TASOR2: variants seen among roughly 807,000 people sequenced by gnomAD.
The protein encoded by TASOR2 is protein TASOR 2.
A neutral mutation model predicts 199.5 loss-of-function variants in TASOR2; 84 were observed. That is an observed-to-expected ratio of 0.42 (90% CI 0.35 to 0.50). The LOEUF is 0.50. Among genes scored for constraint, TASOR2 ranks in the 20% least tolerant of loss-of-function variants. TASOR2 has a pLI of 0.02. For missense variants in TASOR2, 2,796 were observed against 2,835.9 expected (o/e 0.99, Z 0.32); for synonymous variants, 1,103 against 1,046.6 (o/e 1.05, Z -1.04).
intron 1 of TASOR2, among the ~76,000 whole-genome samples, chr10:5,711,765 A>G (rs2131548380): frequency 6.6e-6 from 1 of 152,236 alleles, no homozygotes; most frequent in South Asian, 2.1e-4. Context: ...CCTTCAAAAA[A>G]TTGTAAGTAC....
rs183539216 is a variant in TASOR2, at chr10:5,738,129, G to T, written c.1448-1489G>T. ...GAATCAAATGATAATTTTGAAGTCA[G>T]ACAGTCCTTTTGTTAATGAAACATG... is the stretch of plus-strand genomic sequence containing the variant. On this transcript the variant is annotated intron_variant, in intron 12 of 20. Transcript: ENST00000328090. The surrounding 1 kb of genome is among the most constrained non-coding windows in gnomAD (Gnocchi z 4.7). Among the ~76,000 whole-genome samples the T allele has an allele frequency of 6.9e-6, 1 of 144,782 alleles. No homozygotes were observed. The highest frequency in any genetic ancestry group is 6.9e-5 in the Admixed American group (1 of 14,424). The allele number at this position is 144,782 out of a possible 152,430, so 95.0% of individuals were successfully genotyped here.
rs181319234 is a variant in TASOR2, at chr10:5,750,873, G to C, written c.6606+846G>C. Among the ~76,000 whole-genome samples the C allele has an allele frequency of 3.4e-4, 52 of 152,286 alleles. No individual in the cohort carries two copies. The highest frequency in any genetic ancestry group is 2.7e-3 in the Admixed American group (41 of 15,302). ...GACCATCTCCATTAACCTCATCTAGGTCTAGGATCATAGGTGTCTAGAATT... is the reference window on the plus strand; with the variant it reads ...GACCATCTCCATTAACCTCATCTAGCTCTAGGATCATAGGTGTCTAGAATT... On this transcript the variant is annotated intron_variant, in intron 15 of 20. Transcript: ENST00000328090. This position sits in a 1 kb window ranked among gnomAD's most constrained non-coding sequence, Gnocchi z 5.4.
rs965504537 is a variant in TASOR2 at position 5,685,129 on chromosome 10, G to A, written c.-334G>A. The stretch of plus-strand genomic sequence containing the variant: ...CCGGGAGAAGCATGGGAAGGAGGCC[G>A]AGCCGGGATCTCAGGTCCTCGGGGG... On this transcript the variant is annotated 5_prime_UTR_variant, in exon 1 of 21. Transcript: ENST00000328090. The surrounding 1 kb of genome is among the most constrained non-coding windows in gnomAD (Gnocchi z 5.4). The A allele has an allele frequency of 2.5e-6, 1 of 398,138 alleles. No individual in the cohort carries two copies. The highest frequency in any genetic ancestry group is 4.4e-6 in the Non-Finnish European group (1 of 225,710). The allele number at this position is 398,138 out of a possible 1,614,324, so 24.7% of individuals were successfully genotyped here.
intron 18 of TASOR2, 34 bp downstream of exon 19, chr10:5,759,026 C>G: frequency 6.7e-7 from 1 of 1,490,214 alleles, no homozygotes; most frequent in Non-Finnish European, 9.3e-7. Context: ...TTCCTCCTGC[C>G]CTGCTGGGGT....
chr10:5,724,331 C>A (rs1190896199), intron 7 of TASOR2, 99 bp from the exon 9 acceptor site: 2 of 494,616 alleles, frequency 4.0e-6, no homozygotes, highest in Non-Finnish European at 7.1e-6. Context: ...AGTAGTATTT[C>A]TATTCTTTCA....
chr10:5,726,067 T>C (rs1052764576), intron 8 of TASOR2, among the ~76,000 whole-genome samples: 3 of 152,228 alleles, frequency 2.0e-5, no homozygotes, highest in African/African-American at 7.2e-5. Flanking sequence ...AATAAAATGT[T>C]CTGTAAAATG....
exon 15 of TASOR2, chr10:5,749,200 A>G: frequency 6.2e-7 from 1 of 1,614,082 alleles, no homozygotes; most frequent in Non-Finnish European, 8.5e-7. Context: ...GACTTACGCC[A>G]ACTTCTCTAT....
intron 2 of TASOR2, chr10:5,714,444 A>G: frequency 3.1e-6 from 1 of 326,580 alleles, no homozygotes; most frequent in Non-Finnish European, 5.5e-6. Flanking sequence ...CTAAATTGTC[A>G]CAATGGCAAT....
chr10:5,687,226 C>T lies in TASOR2; in HGVS notation c.-288+2051C>T, dbSNP rs899522100. Among the ~76,000 whole-genome samples the T allele has an allele frequency of 1.3e-5, 2 of 152,038 alleles. No individual in the cohort carries two copies. Among genetic ancestry groups the T allele is most frequent in the Non-Finnish European group, 2.9e-5 (2 of 68,016 alleles). On this transcript the variant is annotated intron_variant, in intron 1 of 20. Coordinates refer to ENST00000328090, the Ensembl canonical transcript of TASOR2. The surrounding 1 kb of genome is among the most constrained non-coding windows in gnomAD (Gnocchi z 4.8). ...TTAGAAACTTTAGTTAGTTTGGAAA[C>T]CTTTTGTGTGTTTCTACCCCAGGAG...
chr10:5,761,491 T>C lies in TASOR2; in HGVS notation c.7174+20T>C, dbSNP rs751779227. 6.2e-7 allele frequency: 1 copy of C among 1,604,244 alleles called. No individual in the cohort carries two copies. On this transcript the variant is annotated intron_variant, in intron 19 of 20. Coordinates refer to ENST00000328090, the Ensembl canonical transcript of TASOR2. Reference sequence around the variant, plus strand: ...TAACAGGTAATTCACAGGCGCATTTTACTCAGTTAATGCCAAAATTGGTCA... The same window carrying C: ...TAACAGGTAATTCACAGGCGCATTTCACTCAGTTAATGCCAAAATTGGTCA...
intron 20 of TASOR2, 90 bp from the exon 22 acceptor site, chr10:5,762,939 G>C: frequency 1.7e-6 from 2 of 1,210,734 alleles, no homozygotes; most frequent in South Asian, 1.3e-5. Context: ...AGAATGCATA[G>C]GCGTTTTCCC....
intron 11 of TASOR2, among the ~76,000 whole-genome samples, chr10:5,731,803 C>T (rs1485213191): frequency 1.3e-5 from 2 of 152,214 alleles, no homozygotes; most frequent in Non-Finnish European, 2.9e-5. Context: ...AGAAAGACAA[C>T]CATCTAGTTT....
chr10:5,719,329 C>T lies in TASOR2; in HGVS notation c.-99-1215C>T, dbSNP rs547501016. Reference sequence around the variant, plus strand: ...TCATCATAATGGTAAACTTGGCTTACTTGCTTTTTATTTTTTTGTTTGTTT... The same window carrying T: ...TCATCATAATGGTAAACTTGGCTTATTTGCTTTTTATTTTTTTGTTTGTTT... On this transcript the variant is annotated intron_variant, in intron 3 of 20. Coordinates refer to ENST00000328090, the Ensembl canonical transcript of TASOR2. This position sits in a 1 kb window ranked among gnomAD's most constrained non-coding sequence, Gnocchi z 4.1. Among the ~76,000 whole-genome samples the T allele has an allele frequency of 6.6e-6, 1 of 151,852 alleles. No individual in the cohort carries two copies. Among genetic ancestry groups the T allele is most frequent in the African/African-American group, 2.4e-5 (1 of 41,428 alleles).
In TASOR2 at chr10:5,758,990, A is replaced by C; in HGVS notation, c.6990A>C (p.Glu2330Asp). The stretch of plus-strand genomic sequence containing the variant: ...AAAATAAAAAGCTAAAAGAAGATGA[A>C]AGGTAAGGACTTGCTGTGTGTATGG... Residue 2330 changes from glutamate (E) to aspartate (D), a missense_variant and splice_region_variant, in exon 18 of 21, where the codon GAA (glutamate) becomes GAC (aspartate). Glu to Asp is a conservative substitution (Grantham distance 45). Coordinates refer to ENST00000328090, the Ensembl canonical transcript of TASOR2. The C allele has an allele frequency of 6.2e-7, 1 of 1,607,986 alleles. No homozygotes were observed.
At chr10:5,709,018 A>G (rs1831574699) in intron 1 of TASOR2, among the ~76,000 whole-genome samples, 1 of 152,042 alleles carries the variant, frequency 6.6e-6, no homozygotes, top group Non-Finnish European at 1.5e-5. Context: ...GAACTTTTTT[A>G]ATGTAGAGCC....
In TASOR2 at chr10:5,720,569, A is replaced by C. The variant is rs968078026; in HGVS notation, c.-74A>C. Reference sequence around the variant, plus strand: ...TATTACTTTTACGAACTTTCAGGCAACACCGTTATTGAACGACCCAGACAG... The same window carrying C: ...TATTACTTTTACGAACTTTCAGGCACCACCGTTATTGAACGACCCAGACAG... On this transcript the variant is annotated 5_prime_UTR_variant, in exon 4 of 21. Transcript: ENST00000328090. The surrounding 1 kb of genome is among the most constrained non-coding windows in gnomAD (Gnocchi z 5.3). 3.2e-5 allele frequency: 51 copies of C among 1,607,116 alleles called. No individual in the cohort carries two copies. Among genetic ancestry groups the C allele is most frequent in the Non-Finnish European group, 4.2e-5 (49 of 1,176,922 alleles).
In TASOR2 at chr10:5,723,406, TA is replaced by T. The variant is rs578231373; in HGVS notation, c.147-269del. Among the ~76,000 whole-genome samples, 8 of 152,196 alleles carry T rather than the reference TA, an allele frequency of 5.3e-5. No individual in the cohort carries two copies. In the East Asian group the frequency reaches 1.6e-3, roughly 30 times the overall value. ...TTTTAATTCCTTATTCCTGTATACA[TA>T]ATTTTTTTGACACATCTAGATACTT... On this transcript the variant is annotated intron_variant, in intron 6 of 20. Coordinates refer to ENST00000328090, the Ensembl canonical transcript of TASOR2.
intron 2 of TASOR2, 36 bp downstream of exon 2, chr10:5,712,954 A>G (rs754373372): frequency 7.0e-6 from 7 of 997,906 alleles, no homozygotes; most frequent in Non-Finnish European, 9.0e-6. Context: ...TAATGGTATC[A>G]TTAGTCTTAA....
intron 12 of TASOR2, among the ~76,000 whole-genome samples, chr10:5,735,908 A>C (rs1588809487): frequency 6.6e-6 from 1 of 152,204 alleles, no homozygotes; most frequent in Non-Finnish European, 1.5e-5. Context: ...GAAGATTATA[A>C]GTTTATCTAA....
Sources: allele counts gnomAD v4.1 joint callset (sites outside exome capture counted in the v4.1 genomes callset), GRCh38; gene constraint gnomAD v4.1.1; non-coding constraint Gnocchi (gnomAD v3.1); transcripts MANE v1.5; gene names NCBI Gene and HGNC (gene_info 2026-07-23, HGNC 2026-07-21).